Variants in TDRD15 observed in about 807,000 individuals in gnomAD.
TDRD15 encodes the protein tudor domain-containing protein 15.
For missense variants in TDRD15, 1,416 were observed against 904.7 expected (o/e 1.57, Z -7.25); for synonymous variants, 503 against 314.5 (o/e 1.60, Z -6.34).
Position 21,142,654 on chromosome 2 carries a change from C to T in TDRD15, c.5187C>T (p.Phe1729=). The T allele has an allele frequency of 1.4e-6, 1 of 712,188 alleles. No individual in the cohort carries two copies. The highest frequency in any genetic ancestry group is 2.6e-6 in the Non-Finnish European group (1 of 382,734). 44.1% of individuals were successfully genotyped at this position (712,188 alleles called of 1,614,324 possible). ...CTIKSFTWVQ[F]QNDRQYSGIA... is the part of the protein sequence containing the mutation. The stretch of plus-strand genomic sequence containing the variant: ...TAAAATCATTTACTTGGGTTCAATT[C>T]CAAAATGATAGGCAGTATTCTGGTA... Residue 1729 remains phenylalanine (F), a synonymous_variant, in exon 4 of 4, where the codon TTC becomes TTT. Transcript: ENST00000405799.
downstream of TDRD15, among the ~76,000 whole-genome samples, chr2:21,146,721 A>G (rs918834726): frequency 3.3e-5 from 5 of 152,102 alleles, no homozygotes; most frequent in African/African-American, 1.2e-4. Context: ...ATGACAGCCC[A>G]TTTTTAAAGA....
intron 1 of TDRD15, 78 bp downstream of exon 1, chr2:21,124,124 C>T (rs1665531762): frequency 6.5e-6 from 1 of 152,876 alleles, no homozygotes; most frequent in African/African-American, 2.4e-5. Flanking sequence ...CCACTTTTCT[C>T]CTCCGACCTA....
chr2:21,136,302 T>C lies in TDRD15; in HGVS notation c.-3-1163T>C, dbSNP rs1332367868. Among the ~76,000 whole-genome samples, 3 of 152,080 alleles carry C rather than the reference T, an allele frequency of 2.0e-5. No individual in the cohort carries two copies. The East Asian group carries it at 5.8e-4, about 29-fold the overall frequency. On this transcript the variant is annotated intron_variant, in intron 3 of 3. Coordinates refer to ENST00000405799, the MANE Select transcript of TDRD15 (RefSeq NM_001306137.2). ...TACTCCTCTTTCATCTTTTTATCTT[T>C]TTCCTCTGAGCTTTGGGGTATTTAG... is the stretch of plus-strand genomic sequence containing the variant.
intron 3 of TDRD15, among the ~76,000 whole-genome samples, chr2:21,137,055 GTT>G (rs1324198076): frequency 6.6e-6 from 1 of 152,024 alleles, no homozygotes; most frequent in Non-Finnish European, 1.5e-5. Context: ...GTTGGAAAGA[GTT>G]TGCATGAAGG....
chr2:21,139,253 T>C lies in TDRD15; in HGVS notation c.1786T>C (p.Cys596Arg). Residue 596 changes from cysteine (C) to arginine (R), a missense_variant, in exon 4 of 4, where the codon TGT becomes CGT. Coordinates refer to ENST00000405799, the MANE Select transcript of TDRD15 (RefSeq NM_001306137.2). Reference protein sequence around the residue: ...FCELPALAMCCSLAHIFPVED... With the variant: ...FCELPALAMCRSLAHIFPVED... ...TGAGTTGCCTGCCTTAGCGATGTGC[T>C]GTTCACTTGCACATATATTTCCTGT... 1.4e-6 allele frequency: 1 copy of C among 715,390 alleles called. No homozygotes were observed. Among genetic ancestry groups the C allele is most frequent in the East Asian group, 2.7e-5 (1 of 37,240 alleles). The allele number at this position is 715,390 out of a possible 1,614,324, so 44.3% of individuals were successfully genotyped here. A position where few individuals can be genotyped will look rare whatever the true frequency, so the allele number is the denominator to read the frequency against.
In TDRD15 at chr2:21,139,050, T is replaced by C. The variant is rs1360714662; in HGVS notation, c.1583T>C (p.Ile528Thr). Residue 528 changes from isoleucine (I) to threonine (T), a missense_variant, in exon 4 of 4, where the codon ATT (isoleucine) becomes ACT (threonine). Ile to Thr is a moderately conservative substitution (Grantham distance 89). Transcript: ENST00000405799. ...GATTTGTGTGAAAACGATGAAATGA[T>C]TCTAAGAAAACCTGAACCTGGATTA... ...FYDLCENDEM[I>T]LRKPEPGLFC... is the part of the protein sequence containing the mutation. 1.4e-6 allele frequency: 1 copy of C among 714,998 alleles called. No individual in the cohort carries two copies. Among genetic ancestry groups the C allele is most frequent in the Non-Finnish European group, 2.6e-6 (1 of 383,910 alleles). 44.3% of individuals were successfully genotyped at this position (714,998 alleles called of 1,614,324 possible).
At position 21,141,518 on chromosome 2, in the gene TDRD15, G is replaced by A. The variant is rs371289098; in HGVS notation, c.4051G>A (p.Ala1351Thr). 5.3e-4 allele frequency: 380 copies of A among 715,122 alleles called. 4 individuals are homozygous for A. In the South Asian group the frequency reaches 5.5e-3, roughly 10 times the overall value. 44.3% of individuals were successfully genotyped at this position (715,122 alleles called of 1,614,324 possible). The change falls in exon 4 of 4, where the codon GCA becomes ACA. Residue 1351 changes from alanine to threonine, a missense_variant. Transcript: ENST00000405799. The stretch of plus-strand genomic sequence containing the variant: ...ACCTCTAGTGGGAGATCTTGTAGTT[G>A]CAGAATATTCTGGTGACAATGCCAT... ...VKPLVGDLVVAEYSGDNAIYR... is the reference protein window; with the variant it reads ...VKPLVGDLVVTEYSGDNAIYR...
rs1037675847 is a variant in TDRD15 at position 21,139,522 on chromosome 2, A to G, written c.2055A>G (p.Glu685=). The stretch of plus-strand genomic sequence containing the variant: ...GTGAATATTCAATGCTAAATTCAGA[A>G]TCTAAAAACAAAGTTAATATTAAAA... The part of the protein sequence containing the change: ...SVSEYSMLNS[E]SKNKVNIKKV... The change falls in exon 4 of 4, where the codon GAA becomes GAG. Residue 685 remains glutamate, a synonymous_variant. Coordinates refer to ENST00000405799, the MANE Select transcript of TDRD15 (RefSeq NM_001306137.2). 11 of 700,316 alleles carry G rather than the reference A, an allele frequency of 1.6e-5. No individual in the cohort carries two copies. The African/African-American group carries it at 1.8e-4, about 11-fold the overall frequency. The allele number at this position is 700,316 out of a possible 1,614,324, so 43.4% of individuals were successfully genotyped here. A position where few individuals can be genotyped will look rare whatever the true frequency, so the allele number is the denominator to read the frequency against.
chr2:21,129,102 A>C (rs546833471), intron 2 of TDRD15, among the ~76,000 whole-genome samples: 1 of 152,196 alleles, frequency 6.6e-6, no homozygotes, highest in South Asian at 2.1e-4. Flanking sequence ...ATGCCCCACT[A>C]ATTTTTGTAT....
intron 1 of TDRD15, among the ~76,000 whole-genome samples, chr2:21,124,819 TG>T (rs1558293666): frequency 0.02 from 404 of 19,726 alleles, 3 homozygotes; most frequent in Middle Eastern, 0.1. Flanking sequence ...AATGCCAGGG[TG>T]TGTGTGTGTG....
intron 1 of TDRD15, among the ~76,000 whole-genome samples, chr2:21,124,818 GT>G (rs1665551356): frequency 4.4e-4 from 8 of 18,298 alleles, no homozygotes; most frequent in East Asian, 0.01. Flanking sequence ...TAATGCCAGG[GT>G]GTGTGTGTGT....
In TDRD15 at chr2:21,141,602, G is replaced by T; in HGVS notation, c.4135G>T (p.Asp1379Tyr). Residue 1379 changes from aspartate (D) to tyrosine (Y), a missense_variant, in exon 4 of 4, where the codon GAC becomes TAC. By Grantham distance (160) the Asp-to-Tyr change is radical. Coordinates refer to ENST00000405799, the MANE Select transcript of TDRD15 (RefSeq NM_001306137.2). ...PGNSFEVEFI[D>Y]YGNSAIVNTS... is the part of the protein sequence containing the mutation. The stretch of plus-strand genomic sequence containing the variant: ...AAATTCTTTTGAAGTAGAATTTATT[G>T]ACTATGGTAACTCTGCAATAGTAAA... 1.4e-6 allele frequency: 1 copy of T among 713,702 alleles called. No homozygotes were observed. Among genetic ancestry groups the T allele is most frequent in the South Asian group, 1.5e-5 (1 of 66,978 alleles). 44.2% of individuals were successfully genotyped at this position (713,702 alleles called of 1,614,324 possible).
rs758278708 is a variant in TDRD15 at position 21,140,490 on chromosome 2, C to T, written c.3023C>T (p.Pro1008Leu). The T allele has an allele frequency of 2.9e-6, 2 of 694,776 alleles. No individual in the cohort carries two copies. The highest frequency in any genetic ancestry group is 5.3e-6 in the Non-Finnish European group (2 of 377,834). The allele number at this position is 694,776 out of a possible 1,614,324, so 43.0% of individuals were successfully genotyped here. A position where few individuals can be genotyped will look rare whatever the true frequency, so the allele number is the denominator to read the frequency against. Residue 1008 changes from proline (P) to leucine (L), a missense_variant, in exon 4 of 4, where the codon CCA (proline) becomes CTA (leucine). Pro to Leu is a moderately conservative substitution (Grantham distance 98, BLOSUM62 -3). Coordinates refer to ENST00000405799, the MANE Select transcript of TDRD15 (RefSeq NM_001306137.2). ...GAGAGTGTTAACCTCCAAAATTTTC[C>T]AAAATATGATTCTAATAAAATGAGA... is the stretch of plus-strand genomic sequence containing the variant. ...ITESVNLQNF[P>L]KYDSNKMRVC...
intron 2 of TDRD15, among the ~76,000 whole-genome samples, chr2:21,134,517 C>T (rs1393967598): frequency 6.6e-6 from 1 of 151,890 alleles, no homozygotes; most frequent in Non-Finnish European, 1.5e-5. Flanking sequence ...TGCTATCAAA[C>T]ATCATAATAA....
chr2:21,130,581 G>A (rs933731781), intron 2 of TDRD15, among the ~76,000 whole-genome samples: 2 of 152,034 alleles, frequency 1.3e-5, no homozygotes, highest in Non-Finnish European at 2.9e-5. Context: ...GTGAGGTCGG[G>A]GTCTGACTTC....
chr2:21,135,499 C>T (rs1040941771), intron 3 of TDRD15, among the ~76,000 whole-genome samples: 6 of 152,084 alleles, frequency 3.9e-5, no homozygotes, highest in African/African-American at 1.4e-4. Flanking sequence ...CATTCACATA[C>T]CTCTTCTTCA....
chr2:21,124,783 ATG>A (rs1332639649), intron 1 of TDRD15, among the ~76,000 whole-genome samples: 133 of 33,634 alleles, frequency 4.0e-3, no homozygotes, highest in Middle Eastern at 0.022. Flanking sequence ...ATGCCAGGGT[ATG>A]TGTGTGTGTG....
chr2:21,145,845 A>G (rs192360270), downstream of TDRD15, among the ~76,000 whole-genome samples: 3 of 152,088 alleles, frequency 2.0e-5, no homozygotes, highest in African/African-American at 4.8e-5. Context: ...TTGGTCTAAG[A>G]CATCAATATT....
intron 2 of TDRD15, among the ~76,000 whole-genome samples, chr2:21,133,946 T>A (rs1006708022): frequency 2.0e-5 from 3 of 152,052 alleles, no homozygotes; most frequent in African/African-American, 7.2e-5. Context: ...ATAGTTTGGA[T>A]GTATTGAGTT....
Sources: allele counts gnomAD v4.1 joint callset (sites outside exome capture counted in the v4.1 genomes callset), GRCh38; gene constraint gnomAD v4.1.1; transcripts MANE v1.5; gene names NCBI Gene and HGNC (gene_info 2026-07-23, HGNC 2026-07-21).